Variants in CORO7 observed in about 807,000 individuals in gnomAD.
CORO7 encodes coronin 7.
Under a neutral mutation model 126.6 loss-of-function variants are expected in CORO7, and 107 were observed. That is an observed-to-expected ratio of 0.85 (90% CI 0.72 to 0.99). CORO7 has a LOEUF of 0.99. CORO7 is among the 50% of genes least tolerant of loss of function. The pLI, the probability that CORO7 is intolerant of heterozygous loss-of-function variation, is 0.00. For missense variants in CORO7, 1,314 were observed against 1,255.8 expected (o/e 1.05, Z -0.70); for synonymous variants, 603 against 536.8 (o/e 1.12, Z -1.70).
intron 14 of CORO7, among the ~76,000 whole-genome samples, chr16:4,363,803 G>C (rs1388039210): frequency 6.6e-6 from 1 of 151,864 alleles, no homozygotes; most frequent in Admixed American, 6.6e-5. Flanking sequence ...TGGATCACCT[G>C]AGGTCAGGAG....
chr16:4,405,632 G>T, intron 5 of CORO7, 65 bp from the exon 6 acceptor site: 1 of 1,564,936 alleles, frequency 6.4e-7, no homozygotes, highest in Non-Finnish European at 8.7e-7. Flanking sequence ...GGTGGGGGCG[G>T]GCCTTGCTGG....
chr16:4,388,232 G>A (rs1287287106), intron 8 of CORO7, among the ~76,000 whole-genome samples, 164 bp from the exon 9 acceptor site: 1 of 152,186 alleles, frequency 6.6e-6, no homozygotes, highest in Non-Finnish European at 1.5e-5. Flanking sequence ...AGAGAATCTG[G>A]GTTTTCATGT....
At position 4,398,402 on chromosome 16, in the gene CORO7, G is replaced by A. The variant is rs1041726578; in HGVS notation, c.565-3063C>T. On this transcript the variant is annotated intron_variant, in intron 6 of 27. Transcript: ENST00000251166. ...TATCAGGCCGGGCGCGGTGGCTCAC[G>A]CCTGTAATCCCAGCACTTTGCGAAG... Among the ~76,000 whole-genome samples the A allele has an allele frequency of 5.3e-5, 8 of 151,890 alleles. No homozygotes were observed. In the East Asian group the frequency reaches 7.8e-4, roughly 15 times the overall value.
intron 1 of CORO7, 94 bp downstream of exon 1, chr16:4,416,365 G>A: frequency 7.2e-7 from 1 of 1,381,888 alleles, no homozygotes; most frequent in Non-Finnish European, 9.4e-7. Flanking sequence ...GGTTCCAGAC[G>A]GCCCTGGAGG....
chr16:4,413,631 G>C, intron 1 of CORO7: 1 of 424,028 alleles, frequency 2.4e-6, no homozygotes, highest in South Asian at 3.5e-5. Flanking sequence ...TCTGCCTCTT[G>C]GGTTCAAGTG....
At chr16:4,366,671 G>C (rs1057200048) in intron 9 of CORO7, among the ~76,000 whole-genome samples, 1 of 151,648 alleles carries the variant, frequency 6.6e-6, no homozygotes, top group Non-Finnish European at 1.5e-5. Flanking sequence ...CTCCAGAGTA[G>C]CTGGGACTAC....
intron 7 of CORO7, among the ~76,000 whole-genome samples, chr16:4,390,983 C>A (rs1219427543): frequency 2.0e-5 from 3 of 152,250 alleles, no homozygotes; most frequent in Admixed American, 6.5e-5. Context: ...CAGGTAAGAG[C>A]TTTGTCCGTG....
At chr16:4,361,877 C>A (rs972314497) in intron 16 of CORO7, 108 bp downstream of exon 16, 1 of 1,503,364 alleles carries the variant, frequency 6.7e-7, no homozygotes, top group Non-Finnish European at 9.0e-7. Context: ...CGGGCAGGAG[C>A]CTGACACAAG....
chr16:4,403,732 C>A (rs1468660329), intron 6 of CORO7, among the ~76,000 whole-genome samples: 1 of 152,184 alleles, frequency 6.6e-6, no homozygotes, highest in Non-Finnish European at 1.5e-5. Context: ...GGGCTCGGAC[C>A]CCCAGGAGGA....
Position 4,358,051 on chromosome 16 carries a change from G to C in CORO7, c.2510C>G (p.Pro837Arg). The C allele has an allele frequency of 6.2e-7, 1 of 1,613,420 alleles. No individual in the cohort carries two copies. The highest frequency in any genetic ancestry group is 8.5e-7 in the Non-Finnish European group (1 of 1,179,692). The change falls in exon 25 of 28, where the codon CCT becomes CGT. Residue 837 changes from proline (P) to arginine (R), a missense_variant. By Grantham distance (103) the Pro-to-Arg change is moderately radical. Transcript: ENST00000251166. ...CAGCCAGGCCTCGGCACTGAGCACAGGCTCCCAGATCACAGCCGTGTCTGG... is the reference window on the plus strand; with the variant it reads ...CAGCCAGGCCTCGGCACTGAGCACACGCTCCCAGATCACAGCCGTGTCTGG... ...VFPDTAVIWEPVLSAEAWLQG... is the reference protein window; with the variant it reads ...VFPDTAVIWERVLSAEAWLQG...
intron 6 of CORO7, among the ~76,000 whole-genome samples, chr16:4,401,191 G>A (rs1307493803): frequency 6.6e-6 from 1 of 152,196 alleles, no homozygotes; most frequent in Non-Finnish European, 1.5e-5. Context: ...AGCTTGTGCT[G>A]GGAAGGCAAA....
At position 4,395,343 on chromosome 16, in the gene CORO7, G is replaced by C; in HGVS notation, c.565-4C>G. 1 of 1,614,026 alleles carries C rather than the reference G, an allele frequency of 6.2e-7. No homozygotes were observed. Among genetic ancestry groups the C allele is most frequent in the Non-Finnish European group, 8.5e-7 (1 of 1,180,010 alleles). On this transcript the variant is annotated splice_polypyrimidine_tract_variant and splice_region_variant and intron_variant, in intron 6 of 27. Coordinates refer to ENST00000251166, the MANE Select transcript of CORO7 (RefSeq NM_024535.5). ...CAAAGATCCGCAGCTGCTTGTCCTG[G>C]AAAAGCAGAGAGGAGGAAACAACTT... is the stretch of plus-strand genomic sequence containing the variant.
chr16:4,381,119 T>C, intron 9 of CORO7: 1 of 1,609,842 alleles, frequency 6.2e-7, no homozygotes, highest in Non-Finnish European at 8.5e-7. Flanking sequence ...CTGCAGCTCC[T>C]GGACCTGTCA....
chr16:4,414,759 C>A (rs1356528058), intron 1 of CORO7, among the ~76,000 whole-genome samples: 1 of 152,196 alleles, frequency 6.6e-6, no homozygotes, highest in African/African-American at 2.4e-5. Flanking sequence ...AGAATTAGGG[C>A]CCCTCAAGTA....
intron 6 of CORO7, among the ~76,000 whole-genome samples, chr16:4,398,622 T>C (rs1413396137): frequency 4.1e-5 from 6 of 144,770 alleles, no homozygotes; most frequent in African/African-American, 1.3e-4. Flanking sequence ...ACCGAGATCA[T>C]GCCATTGCAC....
intron 25 of CORO7, chr16:4,357,491 T>A: frequency 2.1e-6 from 1 of 476,346 alleles, no homozygotes. Context: ...TCTGGAGTAG[T>A]TGGGATTGCA....
intron 9 of CORO7, among the ~76,000 whole-genome samples, chr16:4,386,567 C>T (rs1350238789): frequency 6.6e-6 from 1 of 152,168 alleles, no homozygotes; most frequent in South Asian, 2.1e-4. Flanking sequence ...TCTGAAGGCC[C>T]GGGAGCTCCG....
chr16:4,394,881 C>T (rs1423074316), intron 7 of CORO7, among the ~76,000 whole-genome samples: 1 of 152,250 alleles, frequency 6.6e-6, no homozygotes, highest in Non-Finnish European at 1.5e-5. Flanking sequence ...TCCCTGGACC[C>T]TGTACGTTTT....
intron 16 of CORO7, chr16:4,361,750 C>T (rs1016370178): frequency 3.1e-5 from 25 of 819,344 alleles, no homozygotes; most frequent in Middle Eastern, 2.4e-4. Context: ...ACCACTTACA[C>T]AGCTGTGTGA....
Sources: allele counts gnomAD v4.1 joint callset (sites outside exome capture counted in the v4.1 genomes callset), GRCh38; gene constraint gnomAD v4.1.1; transcripts MANE v1.5; gene names NCBI Gene and HGNC (gene_info 2026-07-23, HGNC 2026-07-21).